GAREM1: variants seen among roughly 807,000 people sequenced by gnomAD.
GAREM1 encodes GRB2-associated and regulator of MAPK protein 1.
GAREM1 carries 26 observed loss-of-function variants against 71.3 expected under a neutral mutation model. The ratio of observed to expected loss-of-function variants is 0.36; its 90% confidence interval spans 0.27 to 0.51. GAREM1 has a LOEUF of 0.51. Ranked by LOEUF, GAREM1 falls within the 20% of genes least tolerant of loss-of-function variation. The pLI, the probability that GAREM1 is intolerant of heterozygous loss-of-function variation, is 0.95. For synonymous variants in GAREM1, 440 were observed against 433.2 expected (o/e 1.02, Z -0.20); for missense variants, 1,026 against 1,103.1 (o/e 0.93, Z 0.99).
At chr18:32,345,554 C>T (rs759267884) in intron 2 of GAREM1, among the ~76,000 whole-genome samples, 1 of 152,186 alleles carries the variant, frequency 6.6e-6, no homozygotes, top group African/African-American at 2.4e-5. Context: ...AGTCCTCTCT[C>T]TACAACCTTG....
chr18:32,334,331 C>T (rs938653753), intron 2 of GAREM1, among the ~76,000 whole-genome samples: 1 of 152,066 alleles, frequency 6.6e-6, no homozygotes, highest in Admixed American at 6.5e-5. Flanking sequence ...CACGACACCC[C>T]GAGATGTCAA....
intron 2 of GAREM1, among the ~76,000 whole-genome samples, chr18:32,380,474 T>TAAAAAAA (rs35881689): frequency 1.1e-5 from 1 of 92,470 alleles, no homozygotes; most frequent in Admixed American, 1.2e-4. Flanking sequence ...AGACTTCATT[T>TAAAAAAA]AAAAAAAAAA....
chr18:32,269,931 G>A (rs187856608), intron 5 of GAREM1, among the ~76,000 whole-genome samples: 80 of 152,234 alleles, frequency 5.3e-4, no homozygotes, highest in African/African-American at 1.8e-3. Context: ...TGTGAGAACT[G>A]ATGGCAGCCC....
intron 2 of GAREM1, among the ~76,000 whole-genome samples, chr18:32,329,703 TAAAAAAAA>T (rs756082703): frequency 0.011 from 861 of 78,166 alleles, 20 homozygotes; most frequent in African/African-American, 0.046. Context: ...GAGACTCCAT[TAAAAAAAA>T]AAAAAAAAAA....
intron 2 of GAREM1, among the ~76,000 whole-genome samples, chr18:32,378,878 A>G (rs1386715215): frequency 6.6e-6 from 1 of 152,142 alleles, no homozygotes; most frequent in Non-Finnish European, 1.5e-5. Context: ...GGCCATTCCC[A>G]TCTGCTGCCA....
intron 4 of GAREM1, among the ~76,000 whole-genome samples, chr18:32,284,752 C>CTT (rs34946592): frequency 5.8e-5 from 7 of 121,196 alleles, no homozygotes; most frequent in African/African-American, 1.8e-4. Flanking sequence ...TGCCCCCTTA[C>CTT]TTTTTTTTTT....
intron 2 of GAREM1, among the ~76,000 whole-genome samples, chr18:32,312,218 T>C (rs1164975174): frequency 6.6e-6 from 1 of 152,166 alleles, no homozygotes; most frequent in Admixed American, 6.5e-5. Flanking sequence ...GGCTAACAGA[T>C]GTTATTTGAA....
At chr18:32,323,660 A>G (rs1432415058) in intron 2 of GAREM1, among the ~76,000 whole-genome samples, 1 of 152,100 alleles carries the variant, frequency 6.6e-6, no homozygotes. Flanking sequence ...AGTGGGCCAA[A>G]ATTGCGCCAC....
intron 3 of GAREM1, chr18:32,290,166 A>G (rs1403589797): frequency 2.0e-5 from 3 of 151,772 alleles, no homozygotes; most frequent in Non-Finnish European, 2.9e-5. Context: ...TCAAATATAT[A>G]CCTATATTTG....
At chr18:32,431,896 A>G (rs553373134) in intron 1 of GAREM1, among the ~76,000 whole-genome samples, 126 of 152,342 alleles carry the variant, frequency 8.3e-4, no homozygotes, top group African/African-American at 2.9e-3. Context: ...ATGGAGGTCA[A>G]AAGGAACTGG....
At chr18:32,438,216 AAAAT>A (rs2048698439) in intron 1 of GAREM1, among the ~76,000 whole-genome samples, 2 of 152,204 alleles carry the variant, frequency 1.3e-5, no homozygotes, top group South Asian at 4.1e-4. Flanking sequence ...ATAAAAGACA[AAAAT>A]AAACCGGATT....
chr18:32,335,529 C>A lies in GAREM1; in HGVS notation c.263-25206G>T, dbSNP rs574837456. ...TCTGCAATTATGGGCTCCAGCAAAA[C>A]ACAAACAAAACAGGTGTCAGTGAAA... On this transcript the variant is annotated intron_variant, in intron 2 of 5. Coordinates refer to ENST00000269209, the MANE Select transcript of GAREM1 (RefSeq NM_001242409.2). Among the ~76,000 whole-genome samples the A allele has an allele frequency of 9.7e-4, 147 of 152,266 alleles. 1 individual carries two copies. Among genetic ancestry groups the A allele is most frequent in the African/African-American group, 3.0e-3 (126 of 41,546 alleles).
chr18:32,277,956 C>G (rs74920577), intron 4 of GAREM1, among the ~76,000 whole-genome samples: 13 of 152,236 alleles, frequency 8.5e-5, no homozygotes, highest in African/African-American at 3.1e-4. Context: ...CCTGTTACAC[C>G]TCTTTCTCTG....
rs964654295 is a variant in GAREM1 at position 32,263,788 on chromosome 18, A to G, written c.*4083T>C. On this transcript the variant is annotated 3_prime_UTR_variant, in exon 6 of 6. Transcript: ENST00000269209. ...CTCTCCAAATTCTTAACTGATTTCA[A>G]TTTTTAGGCTTAGCTTAAATATTTT... is the stretch of plus-strand genomic sequence containing the variant. The G allele has an allele frequency of 6.6e-5, 10 of 152,180 alleles. No homozygotes were observed. Among genetic ancestry groups the G allele is most frequent in the Non-Finnish European group, 1.5e-4 (10 of 68,038 alleles). 9.4% of individuals were successfully genotyped at this position (152,180 alleles called of 1,614,324 possible).
chr18:32,421,487 C>T (rs2048519105), intron 1 of GAREM1, among the ~76,000 whole-genome samples: 1 of 152,170 alleles, frequency 6.6e-6, no homozygotes, highest in Non-Finnish European at 1.5e-5. Flanking sequence ...ACATCATTCC[C>T]CTGCTTTGAA....
Position 32,470,385 on chromosome 18 carries a change from T to G in GAREM1, c.44A>C (p.Lys15Thr). The G allele has an allele frequency of 6.4e-7, 1 of 1,564,446 alleles. No homozygotes were observed. Among genetic ancestry groups the G allele is most frequent in the Non-Finnish European group, 8.6e-7 (1 of 1,157,020 alleles). Residue 15 changes from lysine (K) to threonine (T), a missense_variant, in exon 1 of 6, where the codon AAG (lysine) becomes ACG (threonine). Physicochemically the swap from Lys to Thr is moderately conservative, Grantham distance 78. Around this residue, in one of 3 missense-constraint regions of GAREM1, gnomAD observed 172 missense variants for 175.2 expected, o/e 0.98. Coordinates refer to ENST00000269209, the MANE Select transcript of GAREM1 (RefSeq NM_001242409.2). The surrounding 1 kb of genome is among the most constrained non-coding windows in gnomAD (Gnocchi z 4.4). ...PSLGCSLKDV[K>T]WSSVAVPLDL... ...GAGCGGCACGGCCACCGAGCTCCAC[T>G]TCACATCCTTGAGGCTGCAGCCCAG... is the stretch of plus-strand genomic sequence containing the variant.
At position 32,361,816 on chromosome 18, in the gene GAREM1, T is replaced by C. The variant is rs138905312; in HGVS notation, c.262+31079A>G. On this transcript the variant is annotated intron_variant, in intron 2 of 5. Transcript: ENST00000269209. ...AGGGTTAAACTGACAGGTAGAATGA[T>C]AGAATGGAATTTCTCTCCTTTGAAT... Among the ~76,000 whole-genome samples, 42 of 152,354 alleles carry C rather than the reference T, an allele frequency of 2.8e-4. No homozygotes were observed. In the South Asian group the frequency reaches 5.6e-3, roughly 20 times the overall value.
rs201770391 is a variant in GAREM1 at position 32,465,422 on chromosome 18, A to T, written c.121+4886T>A. Among the ~76,000 whole-genome samples the T allele has an allele frequency of 2.4e-4, 36 of 152,256 alleles. No individual in the cohort carries two copies. In the East Asian group the frequency reaches 6.0e-3, roughly 25 times the overall value. The stretch of plus-strand genomic sequence containing the variant: ...TGCTCCTAGAGGCCAGTAAATGATA[A>T]AGCTGCAGAAGCCTCTGAGCACAAA... On this transcript the variant is annotated intron_variant, in intron 1 of 5. Transcript: ENST00000269209.
intron 1 of GAREM1, among the ~76,000 whole-genome samples, chr18:32,401,917 G>C (rs2048319480): frequency 1.3e-5 from 2 of 152,136 alleles, no homozygotes; most frequent in African/African-American, 2.4e-5. Flanking sequence ...CCAGCAAGAG[G>C]ATTCAGAATG....
Sources: allele counts gnomAD v4.1 joint callset (sites outside exome capture counted in the v4.1 genomes callset), GRCh38; gene constraint gnomAD v4.1.1; regional missense constraint gnomAD v4.1.1; non-coding constraint Gnocchi (gnomAD v3.1); transcripts MANE v1.5; gene names NCBI Gene and HGNC (gene_info 2026-07-23, HGNC 2026-07-21).